The following PTPRM variants were observed in gnomAD, a reference collection of about 807,000 sequenced individuals.
PTPRM encodes the protein protein tyrosine phosphatase receptor type M.
A neutral mutation model predicts 186.7 loss-of-function variants in PTPRM; 47 were observed. The ratio of observed to expected loss-of-function variants is 0.25; its 90% CI spans 0.20 to 0.32. The LOEUF (loss-of-function observed/expected upper bound fraction) is 0.32. Ranked by LOEUF, PTPRM falls within the 10% of genes least tolerant of loss-of-function variation. The pLI, the probability that PTPRM is intolerant of heterozygous loss-of-function variation, is 1.00. For synonymous variants in PTPRM, 668 were observed against 674.9 expected (o/e 0.99, Z 0.16); for missense variants, 1,494 against 1,865.0 (o/e 0.80, Z 3.66).
At chr18:7,674,688 G>C (rs2039295468) in intron 1 of PTPRM, among the ~76,000 whole-genome samples, 1 of 152,210 alleles carries the variant, frequency 6.6e-6, no homozygotes. Context: ...AAGTTTTCTA[G>C]TGAAGACTAG....
At chr18:8,264,214 T>G (rs1397115661) in intron 19 of PTPRM, among the ~76,000 whole-genome samples, 2 of 152,202 alleles carry the variant, frequency 1.3e-5, no homozygotes, top group African/African-American at 4.8e-5. Flanking sequence ...AAAAAGCACT[T>G]TGGCTTTTCC....
intron 14 of PTPRM, among the ~76,000 whole-genome samples, chr18:8,182,725 C>T (rs866450354): frequency 5.9e-5 from 9 of 152,172 alleles, no homozygotes; most frequent in Non-Finnish European, 8.8e-5. Context: ...TAAATTATAA[C>T]TTTGATCGCT....
chr18:7,838,842 G>T (rs1262507058), intron 2 of PTPRM, among the ~76,000 whole-genome samples: 1 of 152,214 alleles, frequency 6.6e-6, no homozygotes, highest in South Asian at 2.1e-4. Context: ...TTTACCTGGT[G>T]TTCTGTTGTC....
chr18:8,305,829 C>T (rs1188401346), intron 20 of PTPRM, among the ~76,000 whole-genome samples: 4 of 152,130 alleles, frequency 2.6e-5, no homozygotes, highest in Non-Finnish European at 5.9e-5. Context: ...AGCATACTGG[C>T]TCTTTGTGCT....
chr18:8,212,130 C>A (rs12953618), intron 14 of PTPRM, among the ~76,000 whole-genome samples: 40,040 of 152,080 alleles, frequency 0.26, 5,483 homozygotes, highest in Middle Eastern at 0.5. Flanking sequence ...TCAAACAGTT[C>A]AAGTCAGGAC....
rs140145752 is a variant in PTPRM, at chr18:8,257,911, G to A, written c.2754+4497G>A. Among the ~76,000 whole-genome samples the A allele has an allele frequency of 2.2e-4, 33 of 152,270 alleles. No individual in the cohort carries two copies. The East Asian group carries it at 4.8e-3, about 22-fold the overall frequency. On this transcript the variant is annotated intron_variant, in intron 19 of 32. Transcript: ENST00000580170. ...AGGATTCATTACTGATCAAGTAGCC[G>A]ACAGAAGTATGTCCGAACAAGAGCA...
chr18:7,973,630 T>A (rs893223649), intron 7 of PTPRM, among the ~76,000 whole-genome samples: 7 of 152,186 alleles, frequency 4.6e-5, no homozygotes, highest in Non-Finnish European at 1.0e-4. Flanking sequence ...ATATTTTTCT[T>A]ATTCTACCAT....
chr18:8,206,071 G>A (rs903732413), intron 14 of PTPRM, among the ~76,000 whole-genome samples: 9 of 151,972 alleles, frequency 5.9e-5, no homozygotes, highest in African/African-American at 2.2e-4. Flanking sequence ...TGATTGCTTT[G>A]GAGTTGAGCG....
intron 1 of PTPRM, among the ~76,000 whole-genome samples, chr18:7,606,267 A>T (rs1598507009): frequency 6.6e-6 from 1 of 152,146 alleles, no homozygotes; most frequent in East Asian, 1.9e-4. Flanking sequence ...GACCCTTAGG[A>T]TCTGCACAGG....
chr18:7,726,970 TTTTTAG>T (rs1276931876), intron 1 of PTPRM, among the ~76,000 whole-genome samples: 2 of 152,174 alleles, frequency 1.3e-5, no homozygotes, highest in Non-Finnish European at 2.9e-5. Flanking sequence ...AGACCTGGGC[TTTTTAG>T]TTAACTAATT....
At chr18:7,722,183 C>G (rs1274816219) in intron 1 of PTPRM, among the ~76,000 whole-genome samples, 1 of 152,186 alleles carries the variant, frequency 6.6e-6, no homozygotes, top group African/African-American at 2.4e-5. Flanking sequence ...TCTCTGGCAA[C>G]CACTAATCTG....
chr18:7,678,795 C>T (rs1010622047), intron 1 of PTPRM, among the ~76,000 whole-genome samples: 10 of 152,196 alleles, frequency 6.6e-5, no homozygotes, highest in Non-Finnish European at 1.3e-4. Context: ...ATGGATATAT[C>T]TGACTTATGC....
intron 14 of PTPRM, among the ~76,000 whole-genome samples, chr18:8,201,043 C>T (rs1415746929): frequency 6.6e-6 from 1 of 152,158 alleles, no homozygotes; most frequent in South Asian, 2.1e-4. Flanking sequence ...AGGCCAGGCA[C>T]GATGGCTCCC....
At chr18:8,389,841 T>G (rs1598567613) in intron 31 of PTPRM, among the ~76,000 whole-genome samples, 1 of 152,168 alleles carries the variant, frequency 6.6e-6, no homozygotes, top group African/African-American at 2.4e-5. Flanking sequence ...CTAACGGCTG[T>G]GGGTGGAGAG....
At chr18:7,641,442 A>G (rs963094498) in intron 1 of PTPRM, among the ~76,000 whole-genome samples, 6 of 152,248 alleles carry the variant, frequency 3.9e-5, no homozygotes, top group African/African-American at 1.2e-4. Context: ...TATGATTGCT[A>G]TCACATACTA....
At chr18:8,007,157 A>C (rs2084238680) in intron 7 of PTPRM, among the ~76,000 whole-genome samples, 1 of 152,202 alleles carries the variant, frequency 6.6e-6, no homozygotes, top group South Asian at 2.1e-4. Flanking sequence ...CACAAGTGCC[A>C]GTGGTTTTTA....
chr18:8,336,650 G>T (rs939840585), intron 22 of PTPRM, among the ~76,000 whole-genome samples: 4 of 142,986 alleles, frequency 2.8e-5, no homozygotes, highest in African/African-American at 1.1e-4. Flanking sequence ...GGAAAAAGAA[G>T]GAGAAGAAGG....
Position 7,949,195 on chromosome 18 carries a change from A to G in PTPRM, c.678A>G (p.Arg226=). The G allele has an allele frequency of 3.1e-6, 5 of 1,607,624 alleles. No homozygotes were observed. Among genetic ancestry groups the G allele is most frequent in the Non-Finnish European group, 4.3e-6 (5 of 1,174,322 alleles). ...DRLWLQGIDV[R]DAPLKEIKVT... is the part of the protein sequence containing the mutation. ...ACTTGATACAGGGCATTGATGTGCGAGATGCTCCTCTGAAGGAAATCAAGG... is the reference window on the plus strand; with the variant it reads ...ACTTGATACAGGGCATTGATGTGCGGGATGCTCCTCTGAAGGAAATCAAGG... The change falls in exon 6 of 33, where the codon CGA becomes CGG. Residue 226 remains arginine (R), a synonymous_variant. Coordinates refer to ENST00000580170, the MANE Select transcript of PTPRM (RefSeq NM_001105244.2).
chr18:7,722,618 G>C (rs2040469105), intron 1 of PTPRM, among the ~76,000 whole-genome samples: 1 of 151,742 alleles, frequency 6.6e-6, no homozygotes, highest in African/African-American at 2.4e-5. Context: ...AAGATTGACA[G>C]GTTTGCCAGT....
Sources: allele counts gnomAD v4.1 joint callset (sites outside exome capture counted in the v4.1 genomes callset), GRCh38; gene constraint gnomAD v4.1.1; transcripts MANE v1.5; gene names NCBI Gene and HGNC (gene_info 2026-07-23, HGNC 2026-07-21).